The following GABRA2 variants were observed in gnomAD, a reference collection of about 807,000 sequenced individuals.
The protein encoded by GABRA2 is gamma-aminobutyric acid receptor subunit alpha-2.
A neutral mutation model predicts 48.7 loss-of-function variants in GABRA2; 16 were observed. That is an observed-to-expected ratio of 0.33 (90% CI 0.22 to 0.50). GABRA2 has a LOEUF of 0.50. GABRA2 is among the 20% of genes least tolerant of loss of function. GABRA2 has a pLI of 0.98. For synonymous variants in GABRA2, 185 were observed against 184.5 expected (o/e 1.00, Z -0.02); for missense variants, 275 against 535.6 (o/e 0.51, Z 4.80).
intron 8 of GABRA2, among the ~76,000 whole-genome samples, chr4:46,280,837 T>C (rs1481088974): frequency 6.6e-6 from 1 of 152,112 alleles, no homozygotes; most frequent in Non-Finnish European, 1.5e-5. Context: ...ATTAGTGTGG[T>C]TATAAGAAGA....
At chr4:46,317,197 G>A (rs1339321903) in intron 4 of GABRA2, among the ~76,000 whole-genome samples, 9 of 151,842 alleles carry the variant, frequency 5.9e-5, no homozygotes, top group Non-Finnish European at 1.2e-4. Context: ...AGTCACATGA[G>A]TCTAATCTCA....
chr4:46,274,955 A>G (rs1451450558), intron 8 of GABRA2, among the ~76,000 whole-genome samples: 4 of 152,116 alleles, frequency 2.6e-5, no homozygotes, highest in Non-Finnish European at 5.9e-5. Context: ...AGAAAAATCA[A>G]AAGACACTTA....
intron 8 of GABRA2, among the ~76,000 whole-genome samples, chr4:46,280,783 T>G (rs1323070731): frequency 6.6e-6 from 1 of 152,172 alleles, no homozygotes; most frequent in African/African-American, 2.4e-5. Flanking sequence ...GTCATAAATT[T>G]ATAGAAGAAT....
intron 9 of GABRA2, among the ~76,000 whole-genome samples, chr4:46,257,352 T>A (rs1402965425): frequency 1.7e-4 from 26 of 151,582 alleles, no homozygotes. Flanking sequence ...GCAGGTCTAA[T>A]GTTATGGAGC....
At chr4:46,352,697 C>T (rs1362716148) in intron 3 of GABRA2, among the ~76,000 whole-genome samples, 1 of 152,040 alleles carries the variant, frequency 6.6e-6, no homozygotes, top group Non-Finnish European at 1.5e-5. Context: ...TTGTCCATTT[C>T]CATTCACTGT....
At chr4:46,284,410 C>T (rs1351880104) in intron 8 of GABRA2, among the ~76,000 whole-genome samples, 1 of 152,136 alleles carries the variant, frequency 6.6e-6, no homozygotes, top group East Asian at 1.9e-4. Flanking sequence ...GCAAAAATCT[C>T]ACCATGAAGG....
intron 3 of GABRA2, among the ~76,000 whole-genome samples, chr4:46,373,287 C>T (rs1417805858): frequency 1.3e-5 from 2 of 152,278 alleles, no homozygotes; most frequent in South Asian, 2.1e-4. Flanking sequence ...ATGACCCTCC[C>T]TGTTAAAGAT....
chr4:46,270,587 T>C (rs747407862), intron 8 of GABRA2, among the ~76,000 whole-genome samples: 10 of 151,906 alleles, frequency 6.6e-5, no homozygotes, highest in Non-Finnish European at 1.2e-4. Context: ...TTTTGTCAAT[T>C]AAAAATAAAA....
At chr4:46,353,958 T>G (rs1735564878) in intron 3 of GABRA2, among the ~76,000 whole-genome samples, 1 of 152,164 alleles carries the variant, frequency 6.6e-6, no homozygotes. Context: ...CACTGATAAA[T>G]TTCAATGGAT....
intron 8 of GABRA2, among the ~76,000 whole-genome samples, chr4:46,291,604 C>G (rs1452643279): frequency 6.6e-6 from 1 of 152,008 alleles, no homozygotes; most frequent in Non-Finnish European, 1.5e-5. Flanking sequence ...GGCTTAGCCT[C>G]CCAGCCTATA....
At position 46,246,329 on chromosome 4, in the gene GABRA2, T is replaced by C. The variant is rs1713709451; in HGVS notation, c.*3979A>G. ...ACAGCAAAATATTATGGATATTAAA[T>C]AATTATGTTAAATATTTACTTTAAT... is the stretch of plus-strand genomic sequence containing the variant. On this transcript the variant is annotated 3_prime_UTR_variant, in exon 10 of 10. Transcript: ENST00000381620. 1.3e-5 allele frequency among the ~76,000 whole-genome samples: 2 copies of C among 151,070 alleles called. No homozygotes were observed. The highest frequency in any genetic ancestry group is 1.3e-4 in the Admixed American group (2 of 15,108).
chr4:46,290,350 G>T (rs1291487823), intron 8 of GABRA2, among the ~76,000 whole-genome samples: 1 of 151,580 alleles, frequency 6.6e-6, no homozygotes, highest in African/African-American at 2.4e-5. Context: ...TGAATCTGTA[G>T]ATCTCTTTTG....
At chr4:46,364,112 A>T (rs1188606143) in intron 3 of GABRA2, 2 of 152,208 alleles carry the variant, frequency 1.3e-5, no homozygotes, top group Non-Finnish European at 1.5e-5. Flanking sequence ...ATAAAGGGGC[A>T]TGTAAGATCC....
At chr4:46,387,158 T>A (rs919119353) in intron 2 of GABRA2, among the ~76,000 whole-genome samples, 2 of 152,134 alleles carry the variant, frequency 1.3e-5, no homozygotes, top group African/African-American at 4.8e-5. Flanking sequence ...AAAGAATCAT[T>A]TATATAATAG....
intron 8 of GABRA2, among the ~76,000 whole-genome samples, chr4:46,302,315 C>T (rs1282989277): frequency 2.0e-5 from 3 of 152,102 alleles, no homozygotes; most frequent in Admixed American, 6.5e-5. Flanking sequence ...CCCTTCTTGG[C>T]CTCCAACGTG....
intron 8 of GABRA2, among the ~76,000 whole-genome samples, chr4:46,283,845 C>G (rs919448339): frequency 1.8e-4 from 28 of 152,098 alleles, no homozygotes; most frequent in Non-Finnish European, 3.4e-4. Context: ...CTGCCAGCTC[C>G]GCCTCCTGGG....
intron 4 of GABRA2, among the ~76,000 whole-genome samples, chr4:46,321,352 A>G (rs1324071551): frequency 6.6e-6 from 1 of 151,966 alleles, no homozygotes; most frequent in African/African-American, 2.4e-5. Context: ...TATACTGGAA[A>G]TGTAAGTGCT....
At chr4:46,369,617 G>A (rs1264564437) in intron 3 of GABRA2, among the ~76,000 whole-genome samples, 1 of 152,082 alleles carries the variant, frequency 6.6e-6, no homozygotes, top group Non-Finnish European at 1.5e-5. Flanking sequence ...AGAAATCCAT[G>A]TATCAAAGGG....
Position 46,377,794 on chromosome 4 carries a change from G to T in GABRA2, c.187+8280C>A, listed in dbSNP as rs1354670804. Among the ~76,000 whole-genome samples, 3 of 140,354 alleles carry T rather than the reference G, an allele frequency of 2.1e-5. No individual in the cohort carries two copies. The East Asian group carries it at 6.8e-4, about 32-fold the overall frequency. The allele number at this position is 140,354 out of a possible 152,430, so 92.1% of individuals were successfully genotyped here. A position where few individuals can be genotyped will look rare whatever the true frequency, so the allele number is the denominator to read the frequency against. ...GGGAAGTGAGGGGCGCCTCTGCCCG[G>T]CCGCCCCTACTGGGAAGTGAGGAGC... On this transcript the variant is annotated intron_variant, in intron 3 of 9. Coordinates refer to ENST00000381620, the MANE Select transcript of GABRA2 (RefSeq NM_000807.4).
Sources: gnomAD v4.1 joint callset for allele counts (sites outside exome capture counted in the v4.1 genomes callset) on GRCh38, gnomAD v4.1.1 for gene constraint, MANE v1.5 for transcripts, NCBI Gene and HGNC (gene_info 2026-07-23, HGNC 2026-07-21) for gene names.